The following IFNAR1 variants were observed in gnomAD, a reference collection of about 807,000 sequenced individuals.
IFNAR1 encodes interferon alpha/beta receptor 1.
A neutral mutation model predicts 62.1 loss-of-function variants in IFNAR1; 47 were observed. The observed-to-expected ratio is 0.76, with a 90% confidence interval of 0.60 to 0.97. The LOEUF (loss-of-function observed/expected upper bound fraction) is 0.97, where lower values mean the gene tolerates loss of function less well. Ranked by LOEUF, IFNAR1 falls within the 50% of genes least tolerant of loss-of-function variation. The pLI is 0.00. For synonymous variants in IFNAR1, 219 were observed against 226.9 expected, an observed-to-expected ratio of 0.97 and a Z score of 0.31; for missense variants, 638 against 654.5, an observed-to-expected ratio of 0.97 and a Z score of 0.27.
intron 2 of IFNAR1, among the ~76,000 whole-genome samples, chr21:33,339,065 A>G (rs901826002): frequency 6.6e-5 from 10 of 152,144 alleles, no homozygotes; most frequent in Admixed American, 2.0e-4. Context: ...TTAAGAAAAT[A>G]TAAAAGTAGC....
intron 10 of IFNAR1, among the ~76,000 whole-genome samples, chr21:33,354,736 G>A (rs2083431587): frequency 6.6e-6 from 1 of 152,000 alleles, no homozygotes; most frequent in Admixed American, 6.6e-5. Context: ...AAGTACCCTT[G>A]GCTGTAAACC....
At chr21:33,354,401 C>T (rs865845307) in intron 10 of IFNAR1, among the ~76,000 whole-genome samples, 1 of 152,154 alleles carries the variant, frequency 6.6e-6, no homozygotes, top group Non-Finnish European at 1.5e-5. Context: ...CCCAAACTTA[C>T]GCTGTTTCAA....
intron 9 of IFNAR1, 70 bp downstream of exon 9, chr21:33,352,978 T>G: frequency 9.2e-7 from 1 of 1,084,430 alleles, no homozygotes; most frequent in Non-Finnish European, 1.3e-6. Context: ...TACTGTACAT[T>G]GAAAATTGTA....
Position 33,357,266 on chromosome 21 carries a change from G to C in IFNAR1, c.*1717G>C, listed in dbSNP as rs765506983. 1 of 152,178 alleles carries C rather than the reference G, an allele frequency of 6.6e-6. No individual in the cohort carries two copies. Among genetic ancestry groups the C allele is most frequent in the Non-Finnish European group, 1.5e-5 (1 of 68,050 alleles). The allele number at this position is 152,178 out of a possible 1,614,324, so 9.4% of individuals were successfully genotyped here. A position where few individuals can be genotyped will look rare whatever the true frequency, so the allele number is the denominator to read the frequency against. The stretch of plus-strand genomic sequence containing the variant: ...CAGTCTGGTTTAAGTAGTCATTTCT[G>C]CTGAAAAAACAGATGATCCTGGTGG... On this transcript the variant is annotated 3_prime_UTR_variant, in exon 11 of 11. Coordinates refer to ENST00000270139, the MANE Select transcript of IFNAR1 (RefSeq NM_000629.3).
At chr21:33,336,860 C>G (rs970849399) in intron 2 of IFNAR1, among the ~76,000 whole-genome samples, 1 of 150,304 alleles carries the variant, frequency 6.7e-6, no homozygotes, top group Non-Finnish European at 1.5e-5. Context: ...AAGCGATTCT[C>G]CTGCCTTAGC....
In IFNAR1 at chr21:33,357,000, A is replaced by G. The variant is rs923980465; in HGVS notation, c.*1451A>G. 2.6e-5 allele frequency: 4 copies of G among 152,156 alleles called. No homozygotes were observed. Among genetic ancestry groups the G allele is most frequent in the Admixed American group, 6.5e-5 (1 of 15,272 alleles). 9.4% of individuals were successfully genotyped at this position (152,156 alleles called of 1,614,324 possible). A position where few individuals can be genotyped will look rare whatever the true frequency, so the allele number is the denominator to read the frequency against. ...AATACAAATCATTGAACTGAGGGGG[A>G]AAAATGTAACTAGGAAGAAAAACCC... On this transcript the variant is annotated 3_prime_UTR_variant, in exon 11 of 11. Transcript: ENST00000270139.
At chr21:33,343,484 A>T in intron 4 of IFNAR1, 51 bp from the exon 5 acceptor site, 2 of 1,557,962 alleles carry the variant, frequency 1.3e-6, no homozygotes, top group South Asian at 2.3e-5. Flanking sequence ...AATTAATCCT[A>T]AAATTTGACT....
chr21:33,337,718 C>CATATACACACATTGTGT (rs2083253581), intron 2 of IFNAR1, among the ~76,000 whole-genome samples: 1 of 130,482 alleles, frequency 7.7e-6, no homozygotes, highest in Non-Finnish European at 1.7e-5. Context: ...ATTGTGTATA[C>CATATACACACATTGTGT]ATACATATAC....
At position 33,359,689 on chromosome 21, in the gene IFNAR1, A is replaced by G. The variant is rs1446879950; in HGVS notation, c.*4140A>G. 6.6e-6 allele frequency: 1 copy of G among 152,206 alleles called. No homozygotes were observed. Among genetic ancestry groups the G allele is most frequent in the Non-Finnish European group, 1.5e-5 (1 of 68,034 alleles). The allele number at this position is 152,206 out of a possible 1,614,324, so 9.4% of individuals were successfully genotyped here. A position where few individuals can be genotyped will look rare whatever the true frequency, so the allele number is the denominator to read the frequency against. On this transcript the variant is annotated 3_prime_UTR_variant, in exon 11 of 11. Transcript: ENST00000270139. ...AGTAGATCTCTCCTGCTGTCTGGAC[A>G]CATTTCACTCGGAAATTGAATACAA...
chr21:33,324,738 A>G (rs2083106220), upstream of IFNAR1: 1 of 413,326 alleles, frequency 2.4e-6, no homozygotes, highest in Admixed American at 3.9e-5. Context: ...GGCCGGAAAG[A>G]GTGAGGAAGA....
At chr21:33,336,486 G>A (rs2083236689) in intron 2 of IFNAR1, among the ~76,000 whole-genome samples, 1 of 149,706 alleles carries the variant, frequency 6.7e-6, no homozygotes, top group Non-Finnish European at 1.5e-5. Context: ...CTAGATCCCT[G>A]AGGAATCGCC....
chr21:33,338,216 G>A (rs537170432), intron 2 of IFNAR1, among the ~76,000 whole-genome samples: 6 of 152,200 alleles, frequency 3.9e-5, no homozygotes, highest in South Asian at 2.1e-4. Flanking sequence ...TTGTCTCCCC[G>A]CAGTCAGAAT....
intron 1 of IFNAR1, among the ~76,000 whole-genome samples, chr21:33,329,895 G>A (rs2850020): frequency 0.84 from 127,219 of 152,170 alleles, 53,581 homozygotes; most frequent in African/African-American, 0.93. Context: ...AGGATTCTGG[G>A]AAGATGGCAG....
chr21:33,354,078 C>T (rs1342823114), intron 10 of IFNAR1, among the ~76,000 whole-genome samples: 2 of 152,226 alleles, frequency 1.3e-5, no homozygotes, highest in Non-Finnish European at 2.9e-5. Context: ...CGTGGTGGCT[C>T]ACGCCTGTAA....
At chr21:33,330,174 GAA>G (rs995813928) in intron 1 of IFNAR1, among the ~76,000 whole-genome samples, 11 of 152,184 alleles carry the variant, frequency 7.2e-5, no homozygotes, top group African/African-American at 2.4e-4. Context: ...TGGGCAAAAA[GAA>G]ACACACCATC....
At chr21:33,337,610 TACAC>T (rs780767684) in intron 2 of IFNAR1, among the ~76,000 whole-genome samples, 3 of 134,032 alleles carry the variant, frequency 2.2e-5, no homozygotes, top group Non-Finnish European at 4.9e-5. Context: ...TATAAACAAA[TACAC>T]ACTGTATATA....
At chr21:33,325,938 G>A (rs529929445) in intron 1 of IFNAR1, among the ~76,000 whole-genome samples, 58 of 152,278 alleles carry the variant, frequency 3.8e-4, no homozygotes, top group Admixed American at 1.6e-3. Flanking sequence ...TAGTTTTTCA[G>A]ATTAACTTTG....
chr21:33,352,786 T>C lies in IFNAR1; in HGVS notation c.1172T>C (p.Val391Ala). The change falls in exon 9 of 11, where the codon GTT becomes GCT. Residue 391 changes from valine to alanine, a missense_variant. Transcript: ENST00000270139. ...ERKIIEKKTD[V>A]TVPNLKPLTV... ...AAAATTATCGAGAAAAAAACTGATG[T>C]TACAGTTCCTAATTTGAAACCACTG... 6.5e-7 allele frequency: 1 copy of C among 1,543,034 alleles called. No homozygotes were observed. The highest frequency in any genetic ancestry group is 1.4e-5 in the African/African-American group (1 of 73,408).
chr21:33,344,139 CA>C (rs1355424327), intron 5 of IFNAR1, among the ~76,000 whole-genome samples: 1 of 150,274 alleles, frequency 6.7e-6, no homozygotes, highest in Non-Finnish European at 1.5e-5. Flanking sequence ...GCAAGGGGGA[CA>C]AAGAGTAAGG....
Sources: allele counts gnomAD v4.1 joint callset (sites outside exome capture counted in the v4.1 genomes callset), GRCh38; gene constraint gnomAD v4.1.1; transcripts MANE v1.5; gene names NCBI Gene and HGNC (gene_info 2026-07-23, HGNC 2026-07-21).